APBA2: variants seen among roughly 807,000 people sequenced by gnomAD.
The protein encoded by APBA2 is amyloid beta precursor protein binding family A member 2.
APBA2 carries 30 observed loss-of-function variants against 75.0 expected under a neutral mutation model. The ratio of observed to expected loss-of-function variants is 0.40; its 90% CI spans 0.30 to 0.54. The LOEUF (loss-of-function observed/expected upper bound fraction) is 0.54, where lower values mean the gene tolerates loss of function less well. Ranked by LOEUF, APBA2 falls within the 20% of genes least tolerant of loss-of-function variation. The pLI is 0.49. For missense variants in APBA2, 801 were observed against 1,016.1 expected, an observed-to-expected ratio of 0.79 and a Z score of 2.88; for synonymous variants, 444 against 409.6, an observed-to-expected ratio of 1.08 and a Z score of -1.01.
chr15:29,074,862 T>A, intron 4 of APBA2, 59 bp from the exon 5 acceptor site: 1 of 1,529,938 alleles, frequency 6.5e-7, no homozygotes, highest in Admixed American at 1.7e-5. Flanking sequence ...ATATTCAGGT[T>A]TTGCATCTTG....
At chr15:29,008,130 G>C (rs1006471046) in intron 3 of APBA2, among the ~76,000 whole-genome samples, 2 of 152,212 alleles carry the variant, frequency 1.3e-5, no homozygotes, top group South Asian at 2.1e-4. Context: ...AAGGAAGCCA[G>C]ATAGAATAGC....
chr15:29,090,427 C>G (rs2043504858), intron 6 of APBA2, among the ~76,000 whole-genome samples: 1 of 152,220 alleles, frequency 6.6e-6, no homozygotes, highest in South Asian at 2.1e-4. Context: ...GAAATGTGAA[C>G]CTCAGAAGGG....
At chr15:29,092,928 T>C in intron 6 of APBA2, 147 bp from the exon 7 acceptor site, 1 of 1,052,490 alleles carries the variant, frequency 9.5e-7, no homozygotes, top group Non-Finnish European at 1.4e-6. Context: ...CGGCCGCCCG[T>C]GGCTGGCTGC....
rs2045295026 is a variant in APBA2 at position 29,117,782 on chromosome 15, A to ACTC, written c.*650_*652dup. On this transcript the variant is annotated 3_prime_UTR_variant, in exon 15 of 15. Transcript: ENST00000683413. ...TTTATTTTGGCAGGCTTTTTTCCAG[A>ACTC]CTCTAGGGTTTTCCAATGTGACTAA... The ACTC allele has an allele frequency of 6.6e-6, 1 of 151,756 alleles. No individual in the cohort carries two copies. Among genetic ancestry groups the ACTC allele is most frequent in the Non-Finnish European group, 1.5e-5 (1 of 68,150 alleles). The allele number at this position is 151,756 out of a possible 1,614,324, so 9.4% of individuals were successfully genotyped here.
At chr15:28,922,669 C>A (rs952669175) in intron 2 of APBA2, among the ~76,000 whole-genome samples, 1 of 152,160 alleles carries the variant, frequency 6.6e-6, no homozygotes, top group South Asian at 2.1e-4. Context: ...CACTGGCCTC[C>A]CCATGGTTTC....
chr15:29,001,222 TA>T (rs1213354837), intron 3 of APBA2, among the ~76,000 whole-genome samples: 2 of 151,916 alleles, frequency 1.3e-5, no homozygotes, highest in South Asian at 2.1e-4. Context: ...TTTATTTATT[TA>T]TTTTTTTTGA....
chr15:29,098,485 C>G lies in APBA2; in HGVS notation c.1252-5C>G. On this transcript the variant is annotated splice_region_variant and splice_polypyrimidine_tract_variant and intron_variant, in intron 8 of 14. Transcript: ENST00000683413. ...GACTTTAACAATATCCACTGTCCTT[C>G]TTAGAATTCTGAGGGGGATGCCCAG... is the stretch of plus-strand genomic sequence containing the variant. 6.2e-7 allele frequency: 1 copy of G among 1,612,442 alleles called. No individual in the cohort carries two copies. Among genetic ancestry groups the G allele is most frequent in the Non-Finnish European group, 8.5e-7 (1 of 1,178,438 alleles).
intron 2 of APBA2, among the ~76,000 whole-genome samples, chr15:28,948,563 G>C (rs1280566797): frequency 6.6e-6 from 1 of 152,160 alleles, no homozygotes; most frequent in Non-Finnish European, 1.5e-5. Context: ...TTCACTGGCT[G>C]TCAGAGCCAC....
chr15:28,902,118 C>T (rs990393428), intron 1 of APBA2, among the ~76,000 whole-genome samples: 1 of 151,974 alleles, frequency 6.6e-6, no homozygotes, highest in Non-Finnish European at 1.5e-5. Context: ...CCAATGTGGG[C>T]TGCACACAGT....
chr15:28,974,388 C>G (rs563973749), intron 2 of APBA2, among the ~76,000 whole-genome samples: 2 of 152,298 alleles, frequency 1.3e-5, no homozygotes, highest in East Asian at 3.9e-4. Context: ...AGTTCCAGGA[C>G]ATTGTGACTG....
chr15:28,936,504 C>T (rs2034880339), intron 2 of APBA2, among the ~76,000 whole-genome samples: 1 of 151,924 alleles, frequency 6.6e-6, no homozygotes, highest in South Asian at 2.1e-4. Flanking sequence ...CGGAGGCCAG[C>T]GTAGTCCCCA....
intron 1 of APBA2, among the ~76,000 whole-genome samples, chr15:28,896,291 CTCTTT>C (rs911553689): frequency 5.3e-5 from 8 of 151,482 alleles, no homozygotes; most frequent in Non-Finnish European, 8.8e-5. Context: ...CTCTTCTCTT[CTCTTT>C]TGAGACAGAG....
intron 2 of APBA2, among the ~76,000 whole-genome samples, chr15:28,967,170 CT>C (rs1368114620): frequency 2.0e-5 from 3 of 151,870 alleles, no homozygotes; most frequent in South Asian, 2.1e-4. Context: ...TCCTTCATTT[CT>C]TTTTTTTGAT....
chr15:29,095,725 C>T (rs879465721), intron 8 of APBA2, among the ~76,000 whole-genome samples: 13 of 152,292 alleles, frequency 8.5e-5, no homozygotes, highest in Admixed American at 8.5e-4. Flanking sequence ...TTTGGTCCAC[C>T]TAGGATGTCT....
intron 2 of APBA2, among the ~76,000 whole-genome samples, chr15:28,969,155 T>C (rs1200914950): frequency 1.3e-5 from 1 of 77,890 alleles, no homozygotes; most frequent in African/African-American, 3.6e-4. Context: ...TTTCTTTCTT[T>C]CTTTCTTTCT....
intron 2 of APBA2, among the ~76,000 whole-genome samples, chr15:28,970,733 AC>A (rs950855593): frequency 3.3e-5 from 5 of 151,832 alleles, no homozygotes; most frequent in Non-Finnish European, 7.4e-5. Context: ...GAAAACAAGA[AC>A]ATTCTCATTT....
chr15:29,092,950 G>A, intron 6 of APBA2, 125 bp from the exon 7 acceptor site: 1 of 1,306,450 alleles, frequency 7.7e-7, no homozygotes, highest in Non-Finnish European at 1.1e-6. Context: ...GATGGCAATG[G>A]TTGGGCCCTT....
chr15:28,993,252 C>G (rs1158209823), intron 2 of APBA2, among the ~76,000 whole-genome samples: 1 of 152,220 alleles, frequency 6.6e-6, no homozygotes, highest in Non-Finnish European at 1.5e-5. Context: ...GGGGAGCCCT[C>G]TGTCCAGGAG....
At chr15:28,897,229 A>G (rs1480890029) in intron 1 of APBA2, among the ~76,000 whole-genome samples, 1 of 151,656 alleles carries the variant, frequency 6.6e-6, no homozygotes, top group East Asian at 1.9e-4. Flanking sequence ...TAAAGAGATG[A>G]AAAAGTACTC....
Sources: gnomAD v4.1 joint callset for allele counts (sites outside exome capture counted in the v4.1 genomes callset) on GRCh38, gnomAD v4.1.1 for gene constraint, MANE v1.5 for transcripts, NCBI Gene and HGNC (gene_info 2026-07-23, HGNC 2026-07-21) for gene names.